The following FRYL variants were observed in gnomAD, a reference collection of about 807,000 sequenced individuals.
FRYL encodes the protein protein furry homolog-like.
FRYL carries 150 observed loss-of-function variants against 351.2 expected under a neutral mutation model. That is an observed-to-expected ratio of 0.43 (90% CI 0.37 to 0.49). The LOEUF (loss-of-function observed/expected upper bound fraction) is 0.49, where lower values mean the gene tolerates loss of function less well. Ranked by LOEUF, FRYL falls within the 20% of genes least tolerant of loss-of-function variation. The pLI is 0.00. For missense variants in FRYL, 3,036 were observed against 3,619.3 expected (o/e 0.84, Z 4.13); for synonymous variants, 1,153 against 1,257.1 (o/e 0.92, Z 1.75).
At chr4:48,625,443 T>C (rs1751593066) in intron 4 of FRYL, among the ~76,000 whole-genome samples, 1 of 152,222 alleles carries the variant, frequency 6.6e-6, no homozygotes, top group South Asian at 2.1e-4. Flanking sequence ...TATGCATTCA[T>C]GGATTCAACC....
At chr4:48,535,503 A>T (rs1009482990) in intron 48 of FRYL, among the ~76,000 whole-genome samples, 154 bp downstream of exon 48, 1 of 152,016 alleles carries the variant, frequency 6.6e-6, no homozygotes, top group Non-Finnish European at 1.5e-5. Flanking sequence ...ATCAGTTAAT[A>T]CCAGTGCTGC....
chr4:48,730,422 A>G (rs1770591801), intron 1 of FRYL, among the ~76,000 whole-genome samples: 1 of 152,200 alleles, frequency 6.6e-6, no homozygotes, highest in Non-Finnish European at 1.5e-5. Context: ...ACCCCAAGCC[A>G]CGTAATTGTC....
intron 27 of FRYL, 70 bp downstream of exon 27, chr4:48,570,757 T>C: frequency 8.9e-7 from 1 of 1,126,390 alleles, no homozygotes; most frequent in Non-Finnish European, 1.3e-6. Context: ...TTTATACATT[T>C]CATGAGCGAA....
chr4:48,500,229 A>G lies in FRYL; in HGVS notation c.8593-9T>C. ...TCTGACATGTTGATGACCTAAAACA[A>G]ATACATCTTTAAGGATCTATTCGTA... On this transcript the variant is annotated splice_polypyrimidine_tract_variant and intron_variant, in intron 62 of 63. Coordinates refer to ENST00000358350, the MANE Select transcript of FRYL (RefSeq NM_015030.2). 1 of 1,544,540 alleles carries G rather than the reference A, an allele frequency of 6.5e-7. No individual in the cohort carries two copies.
At chr4:48,682,439 C>G (rs1246173328) in intron 3 of FRYL, among the ~76,000 whole-genome samples, 1 of 152,114 alleles carries the variant, frequency 6.6e-6, no homozygotes, top group Non-Finnish European at 1.5e-5. Flanking sequence ...AATTAAAGAG[C>G]TTCTGCACAG....
At chr4:48,673,366 G>C (rs1364169112) in intron 3 of FRYL, among the ~76,000 whole-genome samples, 1 of 152,096 alleles carries the variant, frequency 6.6e-6, no homozygotes, top group Non-Finnish European at 1.5e-5. Context: ...AATAAAACTT[G>C]ATAGATACAC....
At chr4:48,649,698 G>T (rs1757247456) in intron 3 of FRYL, among the ~76,000 whole-genome samples, 1 of 152,128 alleles carries the variant, frequency 6.6e-6, no homozygotes. Flanking sequence ...ACAAAATCCT[G>T]AATTTAGGCC....
At chr4:48,542,303 T>C (rs1404610284) in intron 44 of FRYL, among the ~76,000 whole-genome samples, 182 bp from the exon 45 acceptor site, 1 of 152,234 alleles carries the variant, frequency 6.6e-6, no homozygotes, top group Middle Eastern at 3.2e-3. Context: ...TATAAATTGA[T>C]TGTAATGGTG....
chr4:48,725,641 T>C (rs1192107595), intron 1 of FRYL, among the ~76,000 whole-genome samples: 2 of 152,200 alleles, frequency 1.3e-5, no homozygotes, highest in Non-Finnish European at 2.9e-5. Flanking sequence ...ACATCCACAC[T>C]GTCTATGCTA....
chr4:48,767,519 T>G (rs1775091219), intron 1 of FRYL, among the ~76,000 whole-genome samples: 6 of 152,170 alleles, frequency 3.9e-5, no homozygotes, highest in Admixed American at 2.6e-4. Flanking sequence ...ACCACGTGGA[T>G]GAACCTGGAG....
At chr4:48,694,677 T>C (rs1214383932) in intron 2 of FRYL, among the ~76,000 whole-genome samples, 1 of 152,242 alleles carries the variant, frequency 6.6e-6, no homozygotes, top group Non-Finnish European at 1.5e-5. Flanking sequence ...TATGCTTTGG[T>C]AGTCTCTAAC....
intron 27 of FRYL, among the ~76,000 whole-genome samples, chr4:48,569,794 T>C (rs1737838298): frequency 6.6e-6 from 1 of 152,166 alleles, no homozygotes; most frequent in Non-Finnish European, 1.5e-5. Flanking sequence ...ACTACACTTG[T>C]TGGATTAATA....
At chr4:48,756,156 C>T (rs904417061) in intron 1 of FRYL, among the ~76,000 whole-genome samples, 2 of 150,868 alleles carry the variant, frequency 1.3e-5, no homozygotes, top group African/African-American at 2.4e-5. Flanking sequence ...ATTGGTTGAG[C>T]TGGGAGGTCA....
chr4:48,768,235 A>G (rs1189706370), intron 1 of FRYL, among the ~76,000 whole-genome samples: 1 of 152,238 alleles, frequency 6.6e-6, no homozygotes, highest in Non-Finnish European at 1.5e-5. Context: ...TACAGATCTC[A>G]TCTGAATTGC....
At chr4:48,765,500 A>T (rs1774858440) in intron 1 of FRYL, among the ~76,000 whole-genome samples, 1 of 152,218 alleles carries the variant, frequency 6.6e-6, no homozygotes, top group Non-Finnish European at 1.5e-5. Flanking sequence ...ATATCAATTC[A>T]AAATGGATTA....
chr4:48,549,387 T>C lies in FRYL; in HGVS notation c.4784+86A>G. The C allele has an allele frequency of 8.2e-7, 1 of 1,225,028 alleles. No individual in the cohort carries two copies. The highest frequency in any genetic ancestry group is 1.1e-6 in the Non-Finnish European group (1 of 888,538). The allele number at this position is 1,225,028 out of a possible 1,614,324, so 75.9% of individuals were successfully genotyped here. A position where few individuals can be genotyped will look rare whatever the true frequency, so the allele number is the denominator to read the frequency against. On this transcript the variant is annotated intron_variant, in intron 39 of 63. Transcript: ENST00000358350. The surrounding 1 kb of genome is among the most constrained non-coding windows in gnomAD (Gnocchi z 4.2). The stretch of plus-strand genomic sequence containing the variant: ...TCTCCATAAAGAAGATTGCTTTCAT[T>C]CTGTGTTGTCAGATAGCACAAAGAA...
intron 45 of FRYL, 36 bp downstream of exon 45, chr4:48,541,991 T>TG: frequency 7.1e-7 from 1 of 1,407,022 alleles, no homozygotes; most frequent in Non-Finnish European, 1.0e-6. Flanking sequence ...CTATTCAAGT[T>TG]CTCTCTATAT....
chr4:48,777,344 T>C (rs1170768662), intron 1 of FRYL, among the ~76,000 whole-genome samples: 1 of 152,238 alleles, frequency 6.6e-6, no homozygotes, highest in Non-Finnish European at 1.5e-5. Flanking sequence ...TGGCCTTTAG[T>C]ATAAAATGTT....
At chr4:48,689,918 G>A (rs1434866103) in intron 2 of FRYL, among the ~76,000 whole-genome samples, 2 of 139,364 alleles carry the variant, frequency 1.4e-5, no homozygotes, top group Non-Finnish European at 3.1e-5. Context: ...TTTTTGAGAC[G>A]GAGTCTCACT....
Sources: gnomAD v4.1 joint callset for allele counts (sites outside exome capture counted in the v4.1 genomes callset) on GRCh38, gnomAD v4.1.1 for gene constraint, Gnocchi (gnomAD v3.1) non-coding constraint, MANE v1.5 for transcripts, NCBI Gene and HGNC (gene_info 2026-07-23, HGNC 2026-07-21) for gene names.